Variants in PCDHA1 observed in about 807,000 individuals in gnomAD.
PCDHA1 encodes the protein protocadherin alpha 1.
A neutral mutation model predicts 61.3 loss-of-function variants in PCDHA1; 42 were observed. That is an observed-to-expected ratio of 0.69 (90% CI 0.54 to 0.89). The LOEUF (loss-of-function observed/expected upper bound fraction) is 0.89. PCDHA1 is among the 40% of genes least tolerant of loss of function. The pLI is 0.00. For missense variants in PCDHA1, 1,256 were observed against 1,235.3 expected (o/e 1.02, Z -0.25); for synonymous variants, 610 against 553.8 (o/e 1.10, Z -1.43).
intron 3 of PCDHA1, among the ~76,000 whole-genome samples, chr5:141,006,916 A>G (rs111263219): frequency 0.011 from 1,648 of 152,304 alleles, 31 homozygotes; most frequent in African/African-American, 0.038. Context: ...TGGGATGCCC[A>G]TGAGATTTCC....
chr5:140,841,795 C>G (rs2150322842), intron 1 of PCDHA1: 8 of 1,613,824 alleles, frequency 5.0e-6, no homozygotes, highest in Non-Finnish European at 6.8e-6. Flanking sequence ...AGGGCGCGTC[C>G]GATGCAGATG....
At chr5:140,877,894 G>C (rs1186724493) in intron 1 of PCDHA1, 21 of 1,447,492 alleles carry the variant, frequency 1.5e-5, no homozygotes, top group African/African-American at 2.9e-5. Flanking sequence ...CTTCCGTTTA[G>C]GTTATAACTA....
rs549755742 is a variant in PCDHA1 at position 140,943,684 on chromosome 5, T to C, written c.2395-35265T>C. ...ATGTATAAAGTGTGAAAAAAAGGGA[T>C]AAGGTCAAAATATTGTGGAACACAT... On this transcript the variant is annotated intron_variant, in intron 1 of 3. Transcript: ENST00000504120. Among the ~76,000 whole-genome samples, 254 of 152,102 alleles carry C rather than the reference T, an allele frequency of 1.7e-3. 2 individuals carry two copies. The highest frequency in any genetic ancestry group is 2.9e-4 in the Non-Finnish European group (20 of 67,984).
chr5:140,797,752 G>A (rs1762259820), intron 1 of PCDHA1, among the ~76,000 whole-genome samples: 1 of 152,070 alleles, frequency 6.6e-6, no homozygotes, highest in Non-Finnish European at 1.5e-5. Flanking sequence ...CCAATCTGTC[G>A]GATAGTGTTT....
intron 1 of PCDHA1, chr5:140,836,073 G>A: frequency 1.2e-6 from 2 of 1,613,652 alleles, no homozygotes; most frequent in Non-Finnish European, 1.7e-6. Context: ...CAACGCGCCG[G>A]CACTGCTGGC....
At chr5:140,834,741 G>A (rs1773242914) in intron 1 of PCDHA1, 7 of 1,614,122 alleles carry the variant, frequency 4.3e-6, no homozygotes. Context: ...TTTCCATGTG[G>A]ACGTGGAGGT....
chr5:140,939,340 A>G (rs1337369012), intron 1 of PCDHA1, among the ~76,000 whole-genome samples: 1 of 152,178 alleles, frequency 6.6e-6, no homozygotes, highest in Non-Finnish European at 1.5e-5. Flanking sequence ...AGGGGTTAGC[A>G]TTTCAACTTA....
intron 1 of PCDHA1, chr5:140,871,107 G>A (rs1554165128): frequency 1.2e-6 from 2 of 1,613,306 alleles, no homozygotes; most frequent in Admixed American, 1.7e-5. Flanking sequence ...TGGTGTCGTT[G>A]GTGGAGAGCG....
At chr5:140,900,920 T>C (rs539511607) in intron 1 of PCDHA1, among the ~76,000 whole-genome samples, 1 of 152,322 alleles carries the variant, frequency 6.6e-6, no homozygotes, top group South Asian at 2.1e-4. Context: ...TAAGATGATA[T>C]CTCATTGTAG....
At chr5:140,967,059 C>T in intron 1 of PCDHA1, 1 of 1,612,750 alleles carries the variant, frequency 6.2e-7, no homozygotes, top group Non-Finnish European at 8.5e-7. Flanking sequence ...ACGAGTGGAG[C>T]GCTCTTCGTC....
chr5:140,808,778 C>T (rs781867451), intron 1 of PCDHA1: 12 of 1,612,450 alleles, frequency 7.4e-6, no homozygotes, highest in Non-Finnish European at 9.3e-6. Flanking sequence ...GCTAGAGCTG[C>T]TGCAGTTTCA....
At chr5:140,808,336 G>A (rs1436485012) in intron 1 of PCDHA1, 1 of 1,614,136 alleles carries the variant, frequency 6.2e-7, no homozygotes, top group African/African-American at 1.3e-5. Flanking sequence ...GTGTCAATGG[G>A]CTGGTCACCT....
intron 3 of PCDHA1, among the ~76,000 whole-genome samples, chr5:141,006,264 T>C (rs2098264343): frequency 6.6e-6 from 1 of 152,148 alleles, no homozygotes; most frequent in Non-Finnish European, 1.5e-5. Flanking sequence ...CAGGCTGGAC[T>C]GCAGTGGCAC....
At chr5:140,883,957 G>T (rs879988838) in intron 1 of PCDHA1, 1 of 1,613,246 alleles carries the variant, frequency 6.2e-7, no homozygotes, top group Non-Finnish European at 8.5e-7. Context: ...ACAACGCTCC[G>T]GCGCTGCTGA....
rs1562193632 is a variant in PCDHA1, at chr5:140,803,375, GC to G, written c.2394+14693del. Reference sequence around the variant, plus strand: ...ATACTGCTCTGCGGTGCTCCGCGCCGCCAACCGAAGGCGACTGTGGGCCGGG... The same window carrying G: ...ATACTGCTCTGCGGTGCTCCGCGCCGCAACCGAAGGCGACTGTGGGCCGGG... On this transcript the variant is annotated intron_variant, in intron 1 of 3. Transcript: ENST00000504120. 3.1e-6 allele frequency: 5 copies of G among 1,614,216 alleles called. 1 individual carries two copies. The South Asian group carries it at 5.5e-5, about 18-fold the overall frequency.
intron 3 of PCDHA1, among the ~76,000 whole-genome samples, chr5:141,000,006 C>T (rs1453937377): frequency 1.3e-5 from 2 of 151,992 alleles, no homozygotes; most frequent in Admixed American, 1.3e-4. Context: ...TTAGATTGGC[C>T]TCCCCATTGC....
rs894945353 is a variant in PCDHA1 at position 140,936,140 on chromosome 5, G to A, written c.2395-42809G>A. ...ACTCCTGACCTTAAGTGATCTGCCC[G>A]CCTTGGCCTCCTAAAGTGCTGGGAT... is the stretch of plus-strand genomic sequence containing the variant. On this transcript the variant is annotated intron_variant, in intron 1 of 3. Coordinates refer to ENST00000504120, the MANE Select transcript of PCDHA1 (RefSeq NM_018900.4). 7.2e-5 allele frequency among the ~76,000 whole-genome samples: 11 copies of A among 152,050 alleles called. 1 individual carries two copies. The highest frequency in any genetic ancestry group is 6.6e-4 in the Admixed American group (10 of 15,256).
Position 140,796,116 on chromosome 5 carries a change from T to A in PCDHA1, c.2394+7432T>A, listed in dbSNP as rs17844248. The A allele has an allele frequency of 4.0e-5, 64 of 1,614,092 alleles. No individual in the cohort carries two copies. In the East Asian group the frequency reaches 1.4e-3, roughly 35 times the overall value. Reference sequence around the variant, plus strand: ...ATCGCGACTCTGGTACGAATGGACATGTCACCTGCTCCCTGACGCCCCACG... The same window carrying A: ...ATCGCGACTCTGGTACGAATGGACAAGTCACCTGCTCCCTGACGCCCCACG... On this transcript the variant is annotated intron_variant, in intron 1 of 3. Transcript: ENST00000504120.
At position 140,822,192 on chromosome 5, in the gene PCDHA1, A is replaced by C; in HGVS notation, c.2394+33508A>C. ...GGTTCTCCAGACAAGAACAAAGATT[A>C]TTCATTTTAGAGTCAAGAATGCCAG... On this transcript the variant is annotated intron_variant, in intron 1 of 3. Coordinates refer to ENST00000504120, the MANE Select transcript of PCDHA1 (RefSeq NM_018900.4). The C allele has an allele frequency of 6.2e-7, 1 of 1,614,266 alleles. No homozygotes were observed. The highest frequency in any genetic ancestry group is 2.2e-5 in the East Asian group (1 of 44,890).
Sources: gnomAD v4.1 joint callset for allele counts (sites outside exome capture counted in the v4.1 genomes callset) on GRCh38, gnomAD v4.1.1 for gene constraint, MANE v1.5 for transcripts, NCBI Gene and HGNC (gene_info 2026-07-23, HGNC 2026-07-21) for gene names.